The following ASTN2 variants were observed in gnomAD, a reference collection of about 807,000 sequenced individuals.
ASTN2 encodes astrotactin 2, also known as astrotactin-2.
Under a neutral mutation model 139.8 loss-of-function variants are expected in ASTN2, and 54 were observed. The ratio of observed to expected loss-of-function variants is 0.39; its 90% CI spans 0.31 to 0.48. The LOEUF (loss-of-function observed/expected upper bound fraction) is 0.48, where lower values mean the gene tolerates loss of function less well. ASTN2 is among the 20% of genes least tolerant of loss of function. The pLI is 0.95. For missense variants in ASTN2, 1,565 were observed against 1,725.1 expected (o/e 0.91, Z 1.64); for synonymous variants, 756 against 719.5 (o/e 1.05, Z -0.81).
chr9:117,188,188 G>GAC (rs1352988860), intron 3 of ASTN2, among the ~76,000 whole-genome samples: 1 of 66,846 alleles, frequency 1.5e-5, no homozygotes. Context: ...GAGAGAGAGA[G>GAC]AGAGACAGAG....
At chr9:116,617,797 A>G (rs1855929917) in intron 19 of ASTN2, among the ~76,000 whole-genome samples, 1 of 152,238 alleles carries the variant, frequency 6.6e-6, no homozygotes, top group African/African-American at 2.4e-5. Context: ...GTCAAAATTT[A>G]GAAGAACTCG....
At chr9:117,045,733 A>T (rs1399256165) in intron 5 of ASTN2, among the ~76,000 whole-genome samples, 1 of 152,050 alleles carries the variant, frequency 6.6e-6, no homozygotes, top group East Asian at 1.9e-4. Flanking sequence ...ACCCCATCAG[A>T]CCCTTGTGTG....
chr9:117,063,450 A>G (rs568368762), intron 5 of ASTN2, among the ~76,000 whole-genome samples: 1 of 152,246 alleles, frequency 6.6e-6, no homozygotes, highest in African/African-American at 2.4e-5. Flanking sequence ...TGATAAGGGG[A>G]AACCCATTTC....
chr9:117,260,677 A>G (rs553898469), intron 2 of ASTN2, among the ~76,000 whole-genome samples: 4 of 152,272 alleles, frequency 2.6e-5, no homozygotes, highest in East Asian at 1.9e-4. Flanking sequence ...CTGTGTAGGG[A>G]GTGGTAAGGG....
At chr9:116,511,610 T>G (rs1382140115) in intron 19 of ASTN2, among the ~76,000 whole-genome samples, 1 of 152,332 alleles carries the variant, frequency 6.6e-6, no homozygotes, top group Admixed American at 6.5e-5. Context: ...CTGGTAGAAT[T>G]TGGCTGTGAA....
chr9:116,686,754 C>G (rs937346000), intron 16 of ASTN2: 4 of 1,550,516 alleles, frequency 2.6e-6, no homozygotes, highest in African/African-American at 2.7e-5. Context: ...CCTCTGCTGT[C>G]GGCCTCCCAG....
At chr9:116,731,639 G>T (rs950953260) in intron 14 of ASTN2, among the ~76,000 whole-genome samples, 1 of 152,080 alleles carries the variant, frequency 6.6e-6, no homozygotes, top group Non-Finnish European at 1.5e-5. Flanking sequence ...GGCTAGGCTG[G>T]TCTCAAACTC....
intron 17 of ASTN2, among the ~76,000 whole-genome samples, chr9:116,642,770 TA>T (rs1217362308): frequency 6.6e-6 from 1 of 152,222 alleles, no homozygotes; most frequent in Non-Finnish European, 1.5e-5. Context: ...TCTGTTGCTA[TA>T]GTTGCTACTC....
intron 10 of ASTN2, among the ~76,000 whole-genome samples, chr9:116,932,160 G>GGTGCTTTCT (rs1834918230): frequency 6.6e-6 from 1 of 152,128 alleles, no homozygotes; most frequent in Non-Finnish European, 1.5e-5. Context: ...ATTGGATGCA[G>GGTGCTTTCT]GTGCTTTCTG....
chr9:116,724,097 G>A (rs1162249599), intron 16 of ASTN2, among the ~76,000 whole-genome samples: 3 of 152,210 alleles, frequency 2.0e-5, no homozygotes, highest in East Asian at 1.9e-4. Flanking sequence ...TAGAATCAGA[G>A]TAGTGTCCCA....
chr9:116,725,715 C>T (rs945843283), intron 16 of ASTN2, 56 bp downstream of exon 16: 1 of 1,563,684 alleles, frequency 6.4e-7, no homozygotes. Context: ...TCTCCCCAGA[C>T]CCCTTGCCTC....
intron 2 of ASTN2, among the ~76,000 whole-genome samples, chr9:117,280,797 A>C (rs1361673279): frequency 6.6e-6 from 1 of 152,040 alleles, no homozygotes; most frequent in Non-Finnish European, 1.5e-5. Context: ...TAAAGTCACT[A>C]TTTTCCTTCT....
chr9:117,074,421 CTGGGACATT>C (rs1477667095), intron 5 of ASTN2, among the ~76,000 whole-genome samples: 2 of 152,208 alleles, frequency 1.3e-5, no homozygotes, highest in East Asian at 3.8e-4. Context: ...ACCAGACCTG[CTGGGACATT>C]TAGGTTTTAT....
intron 5 of ASTN2, among the ~76,000 whole-genome samples, chr9:117,055,313 G>A (rs534084528): frequency 8.5e-5 from 13 of 152,170 alleles, no homozygotes; most frequent in Admixed American, 5.2e-4. Context: ...GAACCATTAG[G>A]TATATCAAGA....
chr9:117,334,127 A>G (rs1011876055), intron 1 of ASTN2, among the ~76,000 whole-genome samples: 2 of 152,174 alleles, frequency 1.3e-5, no homozygotes, highest in African/African-American at 4.8e-5. Flanking sequence ...AGAGACACAT[A>G]AAAAAGGGGT....
chr9:116,462,063 T>A (rs1305116583), intron 20 of ASTN2, among the ~76,000 whole-genome samples: 1 of 152,194 alleles, frequency 6.6e-6, no homozygotes, highest in Non-Finnish European at 1.5e-5. Flanking sequence ...TGGTTTGGCA[T>A]GATTTGCCCA....
chr9:117,318,268 A>C (rs1260504837), intron 1 of ASTN2, among the ~76,000 whole-genome samples: 4 of 152,172 alleles, frequency 2.6e-5, no homozygotes, highest in Non-Finnish European at 4.4e-5. Flanking sequence ...GACACTGATA[A>C]TGTCCATCCT....
chr9:116,947,525 A>G (rs551655339), intron 10 of ASTN2, among the ~76,000 whole-genome samples: 2 of 152,312 alleles, frequency 1.3e-5, no homozygotes, highest in East Asian at 3.9e-4. Context: ...AGGGGGAATA[A>G]AAGTTACATG....
rs1309565037 is a variant in ASTN2 at position 116,699,609 on chromosome 9, G to A, written c.2806+26162C>T. On this transcript the variant is annotated intron_variant, in intron 16 of 22. Coordinates refer to ENST00000313400, the MANE Select transcript of ASTN2 (RefSeq NM_001365068.1). The surrounding 1 kb of genome is among the most constrained non-coding windows in gnomAD (Gnocchi z 4.2). ...GGGACTTACCTGTCCGGTGGGCATA[G>A]CCCTAACTCCTAAGGGGCAGCTGCT... 1 of 1,614,100 alleles carries A rather than the reference G, an allele frequency of 6.2e-7. No homozygotes were observed. Among genetic ancestry groups the A allele is most frequent in the African/African-American group, 1.3e-5 (1 of 74,944 alleles).
Sources: gnomAD v4.1 joint callset for allele counts (sites outside exome capture counted in the v4.1 genomes callset) on GRCh38, gnomAD v4.1.1 for gene constraint, Gnocchi (gnomAD v3.1) non-coding constraint, MANE v1.5 for transcripts, NCBI Gene and HGNC (gene_info 2026-07-23, HGNC 2026-07-21) for gene names.